The following SEMA3E variants were observed in gnomAD, a reference collection of about 807,000 sequenced individuals.
SEMA3E encodes the protein semaphorin-3E.
Under a neutral mutation model 93.6 loss-of-function variants are expected in SEMA3E, and 49 were observed. The observed-to-expected ratio is 0.52, with a 90% CI of 0.42 to 0.66. SEMA3E has a LOEUF of 0.66. Among genes scored for constraint, SEMA3E ranks in the 30% least tolerant of loss-of-function variants. SEMA3E has a pLI of 0.00. For missense variants in SEMA3E, 906 were observed against 964.8 expected (o/e 0.94, Z 0.81); for synonymous variants, 363 against 330.7 (o/e 1.10, Z -1.06).
chr7:83,433,977 T>C (rs1020302747), intron 4 of SEMA3E, among the ~76,000 whole-genome samples: 2 of 152,104 alleles, frequency 1.3e-5, no homozygotes, highest in African/African-American at 4.8e-5. Flanking sequence ...TTTCTATACT[T>C]AATAATTTTC....
At chr7:83,635,881 CA>C (rs5885371) in intron 1 of SEMA3E, among the ~76,000 whole-genome samples, 4,535 of 139,532 alleles carry the variant, frequency 0.033, 208 homozygotes, top group African/African-American at 0.1. Context: ...GACAGACTGA[CA>C]AAAAAAAAAA....
At chr7:83,444,651 C>T (rs1789187491) in intron 4 of SEMA3E, among the ~76,000 whole-genome samples, 1 of 149,826 alleles carries the variant, frequency 6.7e-6, no homozygotes. Context: ...ATTTAAAAGG[C>T]TAGGAAGGCA....
At chr7:83,432,477 A>G (rs1309124004) in intron 4 of SEMA3E, among the ~76,000 whole-genome samples, 1 of 152,216 alleles carries the variant, frequency 6.6e-6, no homozygotes, top group African/African-American at 2.4e-5. Flanking sequence ...AAAGTGTGAA[A>G]TGGTATAACC....
intron 5 of SEMA3E, among the ~76,000 whole-genome samples, chr7:83,411,620 G>T (rs2709960): frequency 1.3e-5 from 2 of 151,710 alleles, no homozygotes; most frequent in African/African-American, 2.4e-5. Flanking sequence ...TAGTAATTAA[G>T]TAAGCAAAAA....
At chr7:83,478,074 C>T (rs1790056654) in intron 2 of SEMA3E, among the ~76,000 whole-genome samples, 1 of 152,062 alleles carries the variant, frequency 6.6e-6, no homozygotes, top group Non-Finnish European at 1.5e-5. Context: ...GCACCTGCCA[C>T]CACGCCCTGC....
chr7:83,638,543 G>T (rs1328703686), intron 1 of SEMA3E, among the ~76,000 whole-genome samples: 1 of 152,058 alleles, frequency 6.6e-6, no homozygotes, highest in African/African-American at 2.4e-5. Flanking sequence ...GTGCTAAATT[G>T]TCATCAATGA....
intron 1 of SEMA3E, among the ~76,000 whole-genome samples, chr7:83,606,406 T>C (rs1001156363): frequency 3.2e-4 from 49 of 151,710 alleles, no homozygotes; most frequent in Non-Finnish European, 6.8e-4. Flanking sequence ...ATGTGGCACA[T>C]ATACACCATG....
intron 1 of SEMA3E, among the ~76,000 whole-genome samples, chr7:83,563,149 G>A (rs1285057710): frequency 2.0e-5 from 3 of 152,120 alleles, no homozygotes; most frequent in East Asian, 1.9e-4. Context: ...TGTGGATTGA[G>A]TAAACTATGC....
chr7:83,556,357 G>C (rs549618341), intron 1 of SEMA3E, among the ~76,000 whole-genome samples: 1 of 152,238 alleles, frequency 6.6e-6, no homozygotes, highest in East Asian at 1.9e-4. Context: ...CCTACTGCTA[G>C]TATTAGTCAT....
At chr7:83,374,562 A>C (rs904037047) in intron 16 of SEMA3E, among the ~76,000 whole-genome samples, 3 of 152,204 alleles carry the variant, frequency 2.0e-5, no homozygotes, top group Non-Finnish European at 2.9e-5. Context: ...AATTAAGAGC[A>C]ATGTATGCAT....
At chr7:83,604,963 C>T (rs1793080142) in intron 1 of SEMA3E, among the ~76,000 whole-genome samples, 1 of 152,128 alleles carries the variant, frequency 6.6e-6, no homozygotes, top group Admixed American at 6.5e-5. Context: ...AGGACATGAT[C>T]TCATTCTTTT....
At chr7:83,551,908 TA>T in intron 1 of SEMA3E, among the ~76,000 whole-genome samples, 1 of 152,176 alleles carries the variant, frequency 6.6e-6, no homozygotes, top group East Asian at 1.9e-4. Flanking sequence ...ATATAGAACA[TA>T]AAAAACCTCA....
chr7:83,422,207 A>G (rs62460801), intron 4 of SEMA3E, among the ~76,000 whole-genome samples: 37,873 of 151,982 alleles, frequency 0.25, 5,057 homozygotes, highest in Middle Eastern at 0.31. Context: ...AATGATAATA[A>G]AACATAGCCT....
At chr7:83,470,368 T>A (rs1227079876) in intron 2 of SEMA3E, among the ~76,000 whole-genome samples, 1 of 152,130 alleles carries the variant, frequency 6.6e-6, no homozygotes, top group Non-Finnish European at 1.5e-5. Context: ...CCTTTTCTTT[T>A]CTCAGACTCC....
At chr7:83,530,606 GT>G (rs1645918412) in intron 1 of SEMA3E, among the ~76,000 whole-genome samples, 1 of 152,148 alleles carries the variant, frequency 6.6e-6, no homozygotes, top group Non-Finnish European at 1.5e-5. Context: ...GCCAGGCGTG[GT>G]GGCTCATGCC....
chr7:83,613,829 C>T (rs566410882), intron 1 of SEMA3E, among the ~76,000 whole-genome samples: 56 of 152,050 alleles, frequency 3.7e-4, no homozygotes, highest in Admixed American at 3.5e-3. Context: ...TCCTAGTCAT[C>T]CCTATTAAAG....
At chr7:83,391,192 C>G (rs1306665131) in intron 14 of SEMA3E, among the ~76,000 whole-genome samples, 1 of 152,054 alleles carries the variant, frequency 6.6e-6, no homozygotes, top group Non-Finnish European at 1.5e-5. Context: ...TATATCTCTA[C>G]CTTCAAGATT....
intron 1 of SEMA3E, among the ~76,000 whole-genome samples, chr7:83,527,013 G>T (rs1255166652): frequency 6.6e-6 from 1 of 152,008 alleles, no homozygotes; most frequent in Non-Finnish European, 1.5e-5. Context: ...GTAATATGAG[G>T]TCATACTGGA....
At chr7:83,479,082 C>A (rs1292992104) in intron 2 of SEMA3E, among the ~76,000 whole-genome samples, 1 of 152,208 alleles carries the variant, frequency 6.6e-6, no homozygotes, top group Admixed American at 6.5e-5. Context: ...TCTTCACGAA[C>A]TAGTCTGTGG....
Sources: allele counts gnomAD v4.1 joint callset (sites outside exome capture counted in the v4.1 genomes callset), GRCh38; gene constraint gnomAD v4.1.1; transcripts MANE v1.5; gene names NCBI Gene and HGNC (gene_info 2026-07-23, HGNC 2026-07-21).